Variants in ANKRD30B observed in about 807,000 individuals in gnomAD.
ANKRD30B encodes ankyrin repeat domain 30B.
ANKRD30B carries 144 observed loss-of-function variants against 202.2 expected under a neutral mutation model. The ratio of observed to expected loss-of-function variants is 0.71; its 90% confidence interval spans 0.62 to 0.82. The LOEUF is 0.82. ANKRD30B is among the 40% of genes least tolerant of loss of function. The pLI, the probability that ANKRD30B is intolerant of heterozygous loss-of-function variation, is 0.00. For synonymous variants in ANKRD30B, 508 were observed against 561.3 expected (o/e 0.91, Z 1.34); for missense variants, 1,487 against 1,669.1 (o/e 0.89, Z 1.90).
intron 16 of ANKRD30B, among the ~76,000 whole-genome samples, chr18:14,794,500 A>G (rs1968740090): frequency 6.6e-6 from 1 of 151,854 alleles, no homozygotes; most frequent in Admixed American, 6.6e-5. Flanking sequence ...GAGGATGTAC[A>G]TTTATCATAT....
chr18:14,918,739 A>C, the ANKRD30B span, among the ~76,000 whole-genome samples: 1 of 152,238 alleles, frequency 6.6e-6, no homozygotes, highest in African/African-American at 2.4e-5. Flanking sequence ...GCTTGAAAGT[A>C]AACAACCTAT....
intron 4 of ANKRD30B, among the ~76,000 whole-genome samples, chr18:14,756,648 G>A (rs1598566152): frequency 6.6e-6 from 1 of 152,206 alleles, no homozygotes; most frequent in Non-Finnish European, 1.5e-5. Context: ...TATCCCAGCA[G>A]TTTGGGAGGC....
Position 14,760,625 on chromosome 18 carries a change from C to G in ANKRD30B, c.820+7C>G, listed in dbSNP as rs1216494184. The G allele has an allele frequency of 1.3e-6, 2 of 1,524,974 alleles. No homozygotes were observed. The highest frequency in any genetic ancestry group is 2.1e-5 in the Admixed American group (1 of 47,458). The allele number at this position is 1,524,974 out of a possible 1,614,324, so 94.5% of individuals were successfully genotyped here. A position where few individuals can be genotyped will look rare whatever the true frequency, so the allele number is the denominator to read the frequency against. On this transcript the variant is annotated splice_region_variant and intron_variant, in intron 6 of 43. Transcript: ENST00000690538. Reference sequence around the variant, plus strand: ...CCTCAAAATACCAATCCAGGTAAGACTTCGGATAGCAAACTACTCTTGATG... The same window carrying G: ...CCTCAAAATACCAATCCAGGTAAGAGTTCGGATAGCAAACTACTCTTGATG...
In ANKRD30B at chr18:14,748,300, G is replaced by C. The variant is rs184066067; in HGVS notation, c.-120G>C. On this transcript the variant is annotated 5_prime_UTR_variant, in exon 1 of 44. Coordinates refer to ENST00000690538, the MANE Select transcript of ANKRD30B (RefSeq NM_001367607.2). ...TGGGGCGGGTGCGGGAACTGAAGAC[G>C]GGCGAGTGCGAGCCGGGGGCGGGTG... is the stretch of plus-strand genomic sequence containing the variant. 19 of 775,764 alleles carry C rather than the reference G, an allele frequency of 2.4e-5. No homozygotes were observed. The highest frequency in any genetic ancestry group is 1.3e-4 in the Admixed American group (4 of 30,406). 48.1% of individuals were successfully genotyped at this position (775,764 alleles called of 1,614,324 possible).
At chr18:14,826,801 TATGGAACCCTATACATCC>T (rs949986603) in intron 32 of ANKRD30B, among the ~76,000 whole-genome samples, 6 of 151,858 alleles carry the variant, frequency 4.0e-5, no homozygotes, top group African/African-American at 1.5e-4. Context: ...CTGTGGATAG[TATGGAACCCTATACATCC>T]ATGCTTTTTT....
chr18:14,873,699 G>T, the ANKRD30B span, among the ~76,000 whole-genome samples: 38 of 152,200 alleles, frequency 2.5e-4, no homozygotes, highest in African/African-American at 8.0e-4. Flanking sequence ...ATGAGATTAA[G>T]TCCTGTATAA....
the ANKRD30B span, among the ~76,000 whole-genome samples, chr18:14,897,741 G>C: frequency 6.6e-6 from 1 of 152,058 alleles, no homozygotes. Context: ...TAGGTCAAAT[G>C]AATAAAATGT....
At chr18:14,800,574 TC>T (rs1235025690) in intron 22 of ANKRD30B, among the ~76,000 whole-genome samples, 4 of 150,996 alleles carry the variant, frequency 2.6e-5, no homozygotes, top group Admixed American at 1.3e-4. Flanking sequence ...TCCACCCACC[TC>T]GGCCTCCTAA....
the ANKRD30B span, among the ~76,000 whole-genome samples, chr18:14,889,198 A>G: frequency 1.3e-5 from 2 of 151,752 alleles, no homozygotes; most frequent in Non-Finnish European, 2.9e-5. Context: ...ATTTCCCCCT[A>G]AGTAACAGGC....
chr18:14,821,258 T>C (rs1257099667), intron 30 of ANKRD30B, among the ~76,000 whole-genome samples: 1 of 152,168 alleles, frequency 6.6e-6, no homozygotes, highest in Non-Finnish European at 1.5e-5. Context: ...CTCCCTTTTT[T>C]TCTTTATTAG....
intron 16 of ANKRD30B, among the ~76,000 whole-genome samples, chr18:14,792,924 C>A (rs148646845): frequency 0.011 from 1,718 of 152,106 alleles, 25 homozygotes; most frequent in Non-Finnish European, 0.014. Context: ...ATTCTGAATT[C>A]ATGACTTGAA....
At chr18:14,880,242 G>A in the ANKRD30B span, among the ~76,000 whole-genome samples, 1 of 152,084 alleles carries the variant, frequency 6.6e-6, no homozygotes, top group East Asian at 1.9e-4. Context: ...TGGTCTATGT[G>A]CCTATTTTTA....
chr18:14,756,839 C>T (rs1914448150), intron 4 of ANKRD30B, among the ~76,000 whole-genome samples: 1 of 152,106 alleles, frequency 6.6e-6, no homozygotes. Context: ...TTGCAGTGAG[C>T]TGAGATCATG....
intron 18 of ANKRD30B, 32 bp from the exon 19 acceptor site, chr18:14,797,629 A>AT: frequency 6.3e-7 from 1 of 1,592,122 alleles, no homozygotes; most frequent in Non-Finnish European, 8.6e-7. Flanking sequence ...AGGCTTGCAT[A>AT]TAATCAATTA....
At chr18:14,788,726 A>G (rs1372828940) in intron 15 of ANKRD30B, among the ~76,000 whole-genome samples, 1 of 152,046 alleles carries the variant, frequency 6.6e-6, no homozygotes, top group Non-Finnish European at 1.5e-5. Flanking sequence ...ACATGAACTC[A>G]TCATTTTTTA....
At chr18:14,757,484 T>C (rs2068814516) in intron 4 of ANKRD30B, among the ~76,000 whole-genome samples, 1 of 152,246 alleles carries the variant, frequency 6.6e-6, no homozygotes, top group Non-Finnish European at 1.5e-5. Context: ...GTCTGACTTC[T>C]AGCTGATTTT....
intron 16 of ANKRD30B, among the ~76,000 whole-genome samples, chr18:14,794,533 A>G (rs145860865): frequency 2.6e-3 from 389 of 148,552 alleles, no homozygotes; most frequent in East Asian, 6.9e-3. Context: ...CAAGCAGATG[A>G]ATTAATGGTA....
chr18:14,748,550 C>G lies in ANKRD30B; in HGVS notation c.131C>G (p.Thr44Arg). ...TTCGGGGATCTAGGGAAGATCCATA[C>G]AGCTGCCTCCCGGGGCCAAGTCCAG... ...IYFGDLGKIH[T>R]AASRGQVQKL... Residue 44 changes from threonine (T) to arginine (R), a missense_variant, in exon 1 of 44, where the codon ACA becomes AGA. Around this residue, in one of 6 missense-constraint regions of ANKRD30B, gnomAD observed 889 missense variants for 841.4 expected, o/e 1.06. Coordinates refer to ENST00000690538, the MANE Select transcript of ANKRD30B (RefSeq NM_001367607.2). 6.4e-7 allele frequency: 1 copy of G among 1,556,956 alleles called. No individual in the cohort carries two copies. Among genetic ancestry groups the G allele is most frequent in the Non-Finnish European group, 8.7e-7 (1 of 1,149,838 alleles).
chr18:14,754,698 G>C (rs1246342338), intron 3 of ANKRD30B, among the ~76,000 whole-genome samples: 1 of 152,124 alleles, frequency 6.6e-6, no homozygotes, highest in Middle Eastern at 3.2e-3. Flanking sequence ...AATTAATGTG[G>C]TGATGCAGAG....
Sources: allele counts gnomAD v4.1 joint callset (sites outside exome capture counted in the v4.1 genomes callset), GRCh38; gene constraint gnomAD v4.1.1; regional missense constraint gnomAD v4.1.1; transcripts MANE v1.5; gene names NCBI Gene and HGNC (gene_info 2026-07-23, HGNC 2026-07-21).